Variants in ANXA4 observed in about 807,000 individuals in gnomAD.
ANXA4 encodes the protein annexin A4.
Under a neutral mutation model 49.8 loss-of-function variants are expected in ANXA4, and 39 were observed. The ratio of observed to expected loss-of-function variants is 0.78; its 90% CI spans 0.61 to 1.02. The LOEUF (loss-of-function observed/expected upper bound fraction) is 1.02. ANXA4 is among the 50% of genes least tolerant of loss of function. The probability of loss-of-function intolerance (pLI) is 0.00; values close to 1 mark genes in which losing one functional copy is unlikely to be tolerated. For missense variants in ANXA4, 360 were observed against 410.1 expected (o/e 0.88, Z 1.05); for synonymous variants, 134 against 152.5 (o/e 0.88, Z 0.89).
chr2:69,825,660 T>C lies in ANXA4; in HGVS notation c.*145T>C, dbSNP rs1674442421. 1 of 572,726 alleles carries C rather than the reference T, an allele frequency of 1.7e-6. No homozygotes were observed. Among genetic ancestry groups the C allele is most frequent in the Admixed American group, 3.6e-5 (1 of 27,570 alleles). The allele number at this position is 572,726 out of a possible 1,614,324, so 35.5% of individuals were successfully genotyped here. A position where few individuals can be genotyped will look rare whatever the true frequency, so the allele number is the denominator to read the frequency against. ...TGCCTCCTAGAATATAGACTGTCTG[T>C]ATTATTATTCACCTATAATTAGTCA... On this transcript the variant is annotated 3_prime_UTR_variant, in exon 13 of 13. Transcript: ENST00000394295.
exon 1 of ANXA4, chr2:69,644,871 T>C (rs1675942809): frequency 6.6e-6 from 1 of 152,200 alleles, no homozygotes; most frequent in Non-Finnish European, 1.5e-5. Flanking sequence ...ATGGACTGTG[T>C]GATTTGCATC....
chr2:69,815,263 C>T (rs750874775), intron 8 of ANXA4: 1 of 152,162 alleles, frequency 6.6e-6, no homozygotes, highest in African/African-American at 2.4e-5. Flanking sequence ...ATAAGATGAA[C>T]TCTTTTGAAT....
intron 11 of ANXA4, 140 bp downstream of exon 11, chr2:69,819,478 A>G: frequency 1.6e-6 from 1 of 632,616 alleles, no homozygotes; most frequent in South Asian, 2.0e-5. Context: ...AGTGCCTGCT[A>G]ATAATAATAC....
At chr2:69,677,691 C>G (rs1386831575) in intron 2 of ANXA4, among the ~76,000 whole-genome samples, 3 of 152,188 alleles carry the variant, frequency 2.0e-5, no homozygotes, top group Admixed American at 6.5e-5. Context: ...CTGAAGGAGA[C>G]TGGAAGAGCC....
At chr2:69,786,196 T>C (rs985845059) in intron 2 of ANXA4, among the ~76,000 whole-genome samples, 1 of 152,196 alleles carries the variant, frequency 6.6e-6, no homozygotes, top group African/African-American at 2.4e-5. Flanking sequence ...GGGTAAATGA[T>C]ACCCAGCTGC....
chr2:69,665,368 C>T (rs1159657727), intron 2 of ANXA4, among the ~76,000 whole-genome samples: 2 of 152,162 alleles, frequency 1.3e-5, no homozygotes, highest in African/African-American at 2.4e-5. Flanking sequence ...CTCAAGATGA[C>T]TCCAGCATTA....
At chr2:69,760,014 A>T (rs1573208181) in intron 1 of ANXA4, among the ~76,000 whole-genome samples, 1 of 152,070 alleles carries the variant, frequency 6.6e-6, no homozygotes, top group Non-Finnish European at 1.5e-5. Context: ...TCGTATTGTT[A>T]GTAGAGACGG....
At chr2:69,788,021 C>T (rs947785607) in intron 2 of ANXA4, 33 bp from the exon 3 acceptor site, 10 of 1,585,644 alleles carry the variant, frequency 6.3e-6, no homozygotes, top group African/African-American at 2.7e-5. Context: ...TGAGAGGCTG[C>T]CTCTCAGTAA....
chr2:69,707,395 T>C lies in ANXA4; in HGVS notation n.767-13379T>C, dbSNP rs1278138732. Among the ~76,000 whole-genome samples, 3 of 152,192 alleles carry C rather than the reference T, an allele frequency of 2.0e-5. No homozygotes were observed. The East Asian group carries it at 5.8e-4, about 29-fold the overall frequency. On this transcript the variant is annotated intron_variant and non_coding_transcript_variant, in intron 2 of 3. Coordinates refer to the ANXA4 transcript ENST00000418066. ...ACAAAACAACACCCAGGTCAAGAAATACAAAATTGCCAATATTCCAGGAAT... is the reference window on the plus strand; with the variant it reads ...ACAAAACAACACCCAGGTCAAGAAACACAAAATTGCCAATATTCCAGGAAT...
intron 1 of ANXA4, among the ~76,000 whole-genome samples, chr2:69,749,829 G>A (rs1670765148): frequency 1.3e-5 from 2 of 151,764 alleles, no homozygotes; most frequent in Non-Finnish European, 2.9e-5. Context: ...GGAGGCTGAG[G>A]CAGAAGAATT....
intron 2 of ANXA4, among the ~76,000 whole-genome samples, chr2:69,687,507 CAA>C (rs796158761): frequency 4.2e-5 from 5 of 119,340 alleles, no homozygotes; most frequent in African/African-American, 3.1e-5. Context: ...GACCCTGTCT[CAA>C]AAAAAAAAAA....
At chr2:69,775,150 C>T (rs1671913052) in intron 1 of ANXA4, among the ~76,000 whole-genome samples, 1 of 152,212 alleles carries the variant, frequency 6.6e-6, no homozygotes, top group Admixed American at 6.5e-5. Flanking sequence ...TTCCACCCCA[C>T]ATAAACTGCC....
chr2:69,693,886 G>C (rs1678064919), intron 2 of ANXA4, among the ~76,000 whole-genome samples: 1 of 152,016 alleles, frequency 6.6e-6, no homozygotes, highest in South Asian at 2.1e-4. Flanking sequence ...AGGCCCTTCT[G>C]AATGCAGACC....
chr2:69,728,016 T>C (rs1372536383), intron 3 of ANXA4, among the ~76,000 whole-genome samples: 1 of 152,194 alleles, frequency 6.6e-6, no homozygotes, highest in Non-Finnish European at 1.5e-5. Context: ...AAGTTAAATA[T>C]GGTTATGGAT....
At chr2:69,668,004 C>T (rs1677004490) in intron 2 of ANXA4, among the ~76,000 whole-genome samples, 2 of 152,142 alleles carry the variant, frequency 1.3e-5, no homozygotes, top group Admixed American at 1.3e-4. Context: ...TTTTCAAGTC[C>T]CTGCTCGTCT....
chr2:69,719,533 G>A (rs905428965), intron 2 of ANXA4, among the ~76,000 whole-genome samples: 7 of 151,412 alleles, frequency 4.6e-5, no homozygotes, highest in Non-Finnish European at 8.8e-5. Context: ...TCTGCCTCCC[G>A]GGTTTGAGTG....
intron 2 of ANXA4, among the ~76,000 whole-genome samples, chr2:69,659,230 G>A (rs1676621917): frequency 1.3e-5 from 2 of 152,152 alleles, no homozygotes; most frequent in South Asian, 4.1e-4. Flanking sequence ...ATTAGAGATA[G>A]CATCTAGAAA....
chr2:69,716,162 T>G (rs987578909), intron 2 of ANXA4, among the ~76,000 whole-genome samples: 3 of 151,746 alleles, frequency 2.0e-5, no homozygotes, highest in African/African-American at 7.3e-5. Flanking sequence ...CATGTACATA[T>G]GAGTAAGAGA....
At chr2:69,766,758 C>T (rs1671509038) in intron 1 of ANXA4, among the ~76,000 whole-genome samples, 1 of 152,166 alleles carries the variant, frequency 6.6e-6, no homozygotes, top group African/African-American at 2.4e-5. Context: ...CTTGGGTCAG[C>T]TGACAGAACC....
Sources: allele counts gnomAD v4.1 joint callset (sites outside exome capture counted in the v4.1 genomes callset), GRCh38; gene constraint gnomAD v4.1.1; transcripts MANE v1.5; gene names NCBI Gene and HGNC (gene_info 2026-07-23, HGNC 2026-07-21).